AGBL4: variants seen among roughly 807,000 people sequenced by gnomAD.
AGBL4 encodes AGBL carboxypeptidase 4, also known as cytosolic carboxypeptidase 6.
In AGBL4, 58 loss-of-function variants were observed where a neutral mutation model predicts 66.4. The ratio of observed to expected loss-of-function variants is 0.87; its 90% CI spans 0.71 to 1.09. The LOEUF is 1.09. Ranked by LOEUF, AGBL4 falls within the 50% of genes least tolerant of loss-of-function variation. The pLI is 0.00. For missense variants in AGBL4, 579 were observed against 631.0 expected (o/e 0.92, Z 0.88); for synonymous variants, 234 against 222.9 (o/e 1.05, Z -0.44).
chr1:49,556,680 C>T (rs1383468725), intron 3 of AGBL4, among the ~76,000 whole-genome samples: 4 of 152,078 alleles, frequency 2.6e-5, no homozygotes, highest in Non-Finnish European at 4.4e-5. Context: ...GCAGGCGGAG[C>T]TGCCTGCTAG....
intron 1 of AGBL4, among the ~76,000 whole-genome samples, chr1:49,990,389 T>C (rs1659850273): frequency 6.6e-6 from 1 of 152,142 alleles, no homozygotes; most frequent in Admixed American, 6.5e-5. Context: ...GATGGTTTTA[T>C]AAGGGTTTGG....
At chr1:48,692,184 T>C (rs1353266740) in intron 6 of AGBL4, among the ~76,000 whole-genome samples, 1 of 151,988 alleles carries the variant, frequency 6.6e-6, no homozygotes, top group Non-Finnish European at 1.5e-5. Flanking sequence ...GGGGGAAGGG[T>C]GTGAGAGACC....
chr1:49,012,271 G>T (rs1362015350), intron 5 of AGBL4, among the ~76,000 whole-genome samples: 3 of 152,100 alleles, frequency 2.0e-5, no homozygotes, highest in Non-Finnish European at 2.9e-5. Flanking sequence ...TCTTAAAAAG[G>T]TGCTGTGTGC....
chr1:49,149,024 A>G (rs1280004325), intron 4 of AGBL4, among the ~76,000 whole-genome samples: 2 of 152,182 alleles, frequency 1.3e-5, no homozygotes, highest in African/African-American at 4.8e-5. Flanking sequence ...CTGATAGTCC[A>G]CCACTGACCT....
At chr1:49,666,029 T>A (rs1646359829) in intron 3 of AGBL4, among the ~76,000 whole-genome samples, 1 of 151,916 alleles carries the variant, frequency 6.6e-6, no homozygotes, top group Non-Finnish European at 1.5e-5. Context: ...TTTCTTGCTA[T>A]GTTGCCCAGG....
At chr1:49,272,749 T>A (rs1644087264) in intron 3 of AGBL4, among the ~76,000 whole-genome samples, 1 of 152,162 alleles carries the variant, frequency 6.6e-6, no homozygotes, top group African/African-American at 2.4e-5. Flanking sequence ...AGTCTTTATG[T>A]CTATATACAC....
At chr1:49,981,888 T>C (rs1053387078) in intron 1 of AGBL4, among the ~76,000 whole-genome samples, 3 of 152,240 alleles carry the variant, frequency 2.0e-5, no homozygotes, top group African/African-American at 7.2e-5. Context: ...TCTTCCTCTA[T>C]GTGTTCCTTA....
chr1:48,789,433 C>A (rs577191286), intron 6 of AGBL4, among the ~76,000 whole-genome samples: 1 of 151,956 alleles, frequency 6.6e-6, no homozygotes. Flanking sequence ...GGACTACAGG[C>A]GCCCGCCACC....
chr1:48,726,034 C>T (rs1377260668), intron 6 of AGBL4, among the ~76,000 whole-genome samples: 1 of 152,210 alleles, frequency 6.6e-6, no homozygotes, highest in African/African-American at 2.4e-5. Context: ...ATTCTCTCCA[C>T]ACCAGAAGAA....
chr1:49,731,718 A>G (rs1320528444), intron 2 of AGBL4, among the ~76,000 whole-genome samples: 2 of 152,074 alleles, frequency 1.3e-5, no homozygotes, highest in East Asian at 3.9e-4. Context: ...GGTGAAGGGA[A>G]AAAAAATAGC....
chr1:48,774,932 G>A (rs1290648143), intron 6 of AGBL4, among the ~76,000 whole-genome samples: 7 of 152,312 alleles, frequency 4.6e-5, no homozygotes, highest in Middle Eastern at 3.4e-3. Flanking sequence ...GACCCTTCCA[G>A]ATCTAGGAGT....
intron 3 of AGBL4, among the ~76,000 whole-genome samples, chr1:49,684,870 C>T (rs1447914227): frequency 6.6e-6 from 1 of 152,128 alleles, no homozygotes; most frequent in Non-Finnish European, 1.5e-5. Flanking sequence ...ACACCCAGCC[C>T]AATTAAAAGT....
chr1:48,662,388 C>T (rs112883508), intron 7 of AGBL4, among the ~76,000 whole-genome samples: 3,684 of 152,296 alleles, frequency 0.024, 160 homozygotes, highest in African/African-American at 0.085. Context: ...GATTTCAAAT[C>T]CTCAGAGGCT....
At chr1:49,009,858 A>G (rs1211138632) in intron 5 of AGBL4, among the ~76,000 whole-genome samples, 1 of 152,296 alleles carries the variant, frequency 6.6e-6, no homozygotes, top group African/African-American at 2.4e-5. Flanking sequence ...TCAATAAATT[A>G]GGTATTGATG....
At chr1:48,599,048 G>C in intron 9 of AGBL4, among the ~76,000 whole-genome samples, 1 of 151,700 alleles carries the variant, frequency 6.6e-6, no homozygotes, top group East Asian at 1.9e-4. Flanking sequence ...AACATGAGCC[G>C]AGAGCTACAT....
At position 49,087,780 on chromosome 1, in the gene AGBL4, T is replaced by C. The variant is rs12144330; in HGVS notation, c.378-41980A>G. Reference sequence around the variant, plus strand: ...ACAAGATGACCATCCCCAAGACACATAGTCATCAGATTCTACAAGGTCACA... The same window carrying C: ...ACAAGATGACCATCCCCAAGACACACAGTCATCAGATTCTACAAGGTCACA... On this transcript the variant is annotated intron_variant, in intron 4 of 13. Transcript: ENST00000371839. 8.5e-3 allele frequency among the ~76,000 whole-genome samples: 1,294 copies of C among 152,102 alleles called. 12 individuals are homozygous for C. The highest frequency in any genetic ancestry group is 0.011 in the Admixed American group (161 of 15,276).
rs567509432 is a variant in AGBL4 at position 48,973,108 on chromosome 1, G to A, written c.594+72476C>T. ...ATAAAGGTTACAGTATAATGCTAGG[G>A]ATGCCCTCAAGCAAATTCTTTTTCT... On this transcript the variant is annotated intron_variant, in intron 5 of 13. Transcript: ENST00000371839. Among the ~76,000 whole-genome samples the A allele has an allele frequency of 5.3e-5, 8 of 152,210 alleles. No homozygotes were observed. The East Asian group carries it at 1.4e-3, about 26-fold the overall frequency.
At position 49,799,934 on chromosome 1, in the gene AGBL4, T is replaced by C. The variant is rs535588889; in HGVS notation, c.157+51462A>G. 7.9e-4 allele frequency among the ~76,000 whole-genome samples: 120 copies of C among 152,170 alleles called. 1 individual carries two copies. In the South Asian group the frequency reaches 0.024, roughly 31 times the overall value. ...GCTTTCTTTATGTATAGATAAATAT[T>C]GAGAGGTTTGCAGGAAAAAGAAGAG... On this transcript the variant is annotated intron_variant, in intron 2 of 13. Transcript: ENST00000371839.
chr1:48,909,035 A>G (rs751773613), intron 5 of AGBL4, among the ~76,000 whole-genome samples: 44 of 151,952 alleles, frequency 2.9e-4, no homozygotes, highest in Non-Finnish European at 6.2e-4. Flanking sequence ...TTTAGCATGC[A>G]CTTATATTAC....
Sources: allele counts gnomAD v4.1 joint callset (sites outside exome capture counted in the v4.1 genomes callset), GRCh38; gene constraint gnomAD v4.1.1; transcripts MANE v1.5; gene names NCBI Gene and HGNC (gene_info 2026-07-23, HGNC 2026-07-21).